Variants in MARF1 observed in about 807,000 individuals in gnomAD.
The protein encoded by MARF1 is limkain-b1.
In MARF1, 24 loss-of-function variants were observed where a neutral mutation model predicts 168.2. The observed-to-expected ratio is 0.14, with a 90% CI of 0.10 to 0.20. The LOEUF (loss-of-function observed/expected upper bound fraction) is 0.20, where lower values mean the gene tolerates loss of function less well. Among genes scored for constraint, MARF1 ranks in the 10% least tolerant of loss-of-function variants. The pLI, the probability that MARF1 is intolerant of heterozygous loss-of-function variation, is 1.00. For synonymous variants in MARF1, 868 were observed against 822.4 expected, an observed-to-expected ratio of 1.06 and a Z score of -0.95; for missense variants, 1,744 against 2,143.6, an observed-to-expected ratio of 0.81 and a Z score of 3.68.
At chr16:15,620,585 T>C in intron 12 of MARF1, 54 bp from the exon 13 acceptor site, 2 of 1,166,010 alleles carry the variant, frequency 1.7e-6, no homozygotes, top group African/African-American at 1.6e-5. Context: ...TATTACAAGT[T>C]ATATAAACAG....
At chr16:15,633,894 A>G in intron 4 of MARF1, 51 bp from the exon 5 acceptor site, 1 of 1,402,480 alleles carries the variant, frequency 7.1e-7, no homozygotes, top group Non-Finnish European at 9.9e-7. Flanking sequence ...ATAAATGGCA[A>G]GTTACAATAA....
chr16:15,606,582 G>A (rs1419336353), intron 21 of MARF1, among the ~76,000 whole-genome samples: 3 of 151,948 alleles, frequency 2.0e-5, no homozygotes, highest in African/African-American at 7.3e-5. Flanking sequence ...CTCTCTAGTG[G>A]AAAACCACTC....
intron 4 of MARF1, 86 bp downstream of exon 4, chr16:15,634,671 T>A: frequency 1.6e-6 from 2 of 1,281,192 alleles, no homozygotes; most frequent in East Asian, 2.3e-5. Flanking sequence ...CCATAAGGAA[T>A]CCTTCAAAGG....
rs749753970 is a variant in MARF1 at position 15,631,452 on chromosome 16, T to A, written c.1280A>T (p.Asp427Val). ...TCTGCGGAGACTCTGCCGCAGTTTA[T>A]CATCAGCGGCATTCTTTGCAGTAGC... ...INATAKNAAD[D>V]KLRQSLRRFA... is the part of the protein sequence containing the mutation. Residue 427 changes from aspartate (D) to valine (V), a missense_variant, in exon 6 of 27, where the codon GAT (aspartate) becomes GTT (valine). Around this residue, in one of 7 missense-constraint regions of MARF1, gnomAD observed 217 missense variants for 372.4 expected, o/e 0.58. Transcript: ENST00000396368. 1.2e-6 allele frequency: 2 copies of A among 1,613,448 alleles called. No homozygotes were observed. Among genetic ancestry groups the A allele is most frequent in the Non-Finnish European group, 1.7e-6 (2 of 1,179,468 alleles).
chr16:15,601,615 T>A (rs1197163258), intron 23 of MARF1: 2 of 336,442 alleles, frequency 5.9e-6, no homozygotes, highest in Non-Finnish European at 5.6e-6. Context: ...CTCAGGCACA[T>A]CCTTGAAGGT....
Position 15,596,670 on chromosome 16 carries a change from T to TA in MARF1, c.*22dup, listed in dbSNP as rs1402043334. The stretch of plus-strand genomic sequence containing the variant: ...AGAATCAGACAGTGTTTTCCCATCC[T>TA]AATTCTATATTCCAAATGGGAGTTA... On this transcript the variant is annotated 3_prime_UTR_variant, in exon 27 of 27. Coordinates refer to ENST00000396368, the MANE Select transcript of MARF1 (RefSeq NM_014647.4). 1.9e-6 allele frequency: 3 copies of TA among 1,555,074 alleles called. No individual in the cohort carries two copies. The African/African-American group carries it at 4.1e-5, about 21-fold the overall frequency.
chr16:15,598,379 C>CA (rs1208725120), intron 26 of MARF1, among the ~76,000 whole-genome samples: 7 of 152,180 alleles, frequency 4.6e-5, no homozygotes, highest in African/African-American at 1.4e-4. Context: ...GGCTGGGACT[C>CA]AGTGTGCTCA....
At chr16:15,623,144 G>GACATTATT in intron 10 of MARF1, 21 bp from the exon 11 acceptor site, 1 of 1,531,716 alleles carries the variant, frequency 6.5e-7, no homozygotes. Flanking sequence ...CACACATATT[G>GACATTATT]ACATTATTTT....
chr16:15,609,769 C>G (rs758815714), intron 19 of MARF1, 44 bp from the exon 20 acceptor site: 24 of 1,536,326 alleles, frequency 1.6e-5, no homozygotes, highest in Non-Finnish European at 6.3e-6. Context: ...TTTTTTTCTA[C>G]CCATTTGTGT....
At chr16:15,617,271 T>C in intron 14 of MARF1, 28 bp downstream of exon 14, 1 of 1,610,372 alleles carries the variant, frequency 6.2e-7, no homozygotes, top group Non-Finnish European at 8.5e-7. Flanking sequence ...AGAAAAGAAT[T>C]ACTTCTAAAG....
chr16:15,634,910 C>T lies in MARF1; in HGVS notation c.853G>A (p.Asp285Asn). The T allele has an allele frequency of 6.2e-7, 1 of 1,612,814 alleles. No individual in the cohort carries two copies. The highest frequency in any genetic ancestry group is 1.1e-5 in the South Asian group (1 of 90,732). The change falls in exon 4 of 27, where the codon GAT becomes AAT. Residue 285 changes from aspartate to asparagine, a missense_variant. By Grantham distance (23) the Asp-to-Asn change is conservative (BLOSUM62 1). Transcript: ENST00000396368. Reference protein sequence around the residue: ...LNKPARNSIIDAAKVWPNIPP... With the variant: ...LNKPARNSIINAAKVWPNIPP... ...ATATTTGGCCAGACTTTAGCCGCAT[C>T]GATTATGCTATTTCTTGCTGGCTGT... is the stretch of plus-strand genomic sequence containing the variant.
Position 15,611,750 on chromosome 16 carries a change from T to G in MARF1, c.3475-16A>C. ...TTCCAAGAATCTGCAAAGCAAATAG[T>G]TTATTTATACACATAAGACCTCAGC... On this transcript the variant is annotated splice_polypyrimidine_tract_variant and intron_variant, in intron 17 of 26. Transcript: ENST00000396368. The G allele has an allele frequency of 6.2e-7, 1 of 1,613,030 alleles. No individual in the cohort carries two copies. Among genetic ancestry groups the G allele is most frequent in the Non-Finnish European group, 8.5e-7 (1 of 1,179,312 alleles).
intron 20 of MARF1, chr16:15,608,810 GAAAAT>G (rs2033256228): frequency 4.8e-6 from 2 of 417,120 alleles, no homozygotes; most frequent in South Asian, 4.5e-5. Flanking sequence ...AGTAAAAAAA[GAAAAT>G]AAAATCAACA....
chr16:15,612,440 T>C (rs1838300128), intron 17 of MARF1, 117 bp downstream of exon 17: 2 of 881,454 alleles, frequency 2.3e-6, no homozygotes, highest in African/African-American at 3.3e-5. Flanking sequence ...AAGTTTTTAG[T>C]GGATGTTCTG....
chr16:15,640,834 G>C (rs2035901939), intron 1 of MARF1, among the ~76,000 whole-genome samples: 1 of 152,208 alleles, frequency 6.6e-6, no homozygotes, highest in African/African-American at 2.4e-5. Flanking sequence ...TGCAAAGAGA[G>C]TCTCTGCAAA....
In MARF1 at chr16:15,617,441, G is replaced by A. The variant is rs1163858704; in HGVS notation, c.2815C>T (p.Pro939Ser). The A allele has an allele frequency of 6.2e-7, 1 of 1,614,068 alleles. No individual in the cohort carries two copies. The highest frequency in any genetic ancestry group is 2.2e-5 in the East Asian group (1 of 44,884). ...GGGCTCTGGCGGGCCTGACTGCTGG[G>A]TAGGAGACACACCAGCCGTCCGTTT... ...QGNGRLVCLL[P>S]SSQARQSPLG... Residue 939 changes from proline (P) to serine (S), a missense_variant, in exon 14 of 27, where the codon CCC becomes TCC. Around this residue, in one of 7 missense-constraint regions of MARF1, gnomAD observed 543 missense variants for 742.1 expected, o/e 0.73. Transcript: ENST00000396368.
Position 15,619,012 on chromosome 16 carries a change from G to A in MARF1, c.2720+1439C>T, listed in dbSNP as rs140190656. On this transcript the variant is annotated intron_variant, in intron 13 of 26. Coordinates refer to ENST00000396368, the MANE Select transcript of MARF1 (RefSeq NM_014647.4). ...TTACTCTGGCTGGACGTGGTGGCCCGTGCCTGTAATTCCAGCACTTTGGGA... is the reference window on the plus strand; with the variant it reads ...TTACTCTGGCTGGACGTGGTGGCCCATGCCTGTAATTCCAGCACTTTGGGA... Among the ~76,000 whole-genome samples the A allele has an allele frequency of 8.8e-3, 1,341 of 152,304 alleles. 18 individuals carry two copies. The highest frequency in any genetic ancestry group is 0.02 in the Middle Eastern group (6 of 294).
In MARF1 at chr16:15,608,272, A is replaced by AC; in HGVS notation, c.4182+18_4182+19insG. The AC allele has an allele frequency of 1.4e-6, 2 of 1,434,986 alleles. No homozygotes were observed. The allele number at this position is 1,434,986 out of a possible 1,614,324, so 88.9% of individuals were successfully genotyped here. On this transcript the variant is annotated intron_variant, in intron 21 of 26. Coordinates refer to ENST00000396368, the MANE Select transcript of MARF1 (RefSeq NM_014647.4). ...TTATCCCATGAGGGAAAAAAAAAAAAAAAAAAAAAAACATTTACCTTCACG... is the reference window on the plus strand; with the variant it reads ...TTATCCCATGAGGGAAAAAAAAAAAACAAAAAAAAAAACATTTACCTTCACG...
At chr16:15,622,025 G>A in intron 11 of MARF1, 114 bp from the exon 12 acceptor site, 2 of 896,502 alleles carry the variant, frequency 2.2e-6, no homozygotes, top group South Asian at 1.7e-5. Context: ...TTCCATGAAG[G>A]AGTATGTCTG....
Sources: allele counts gnomAD v4.1 joint callset (sites outside exome capture counted in the v4.1 genomes callset), GRCh38; gene constraint gnomAD v4.1.1; regional missense constraint gnomAD v4.1.1; transcripts MANE v1.5; gene names NCBI Gene and HGNC (gene_info 2026-07-23, HGNC 2026-07-21).